The following L3HYPDH variants were observed in gnomAD, a reference collection of about 807,000 sequenced individuals.
L3HYPDH encodes the protein trans-3-hydroxy-L-proline dehydratase.
A neutral mutation model predicts 26.5 loss-of-function variants in L3HYPDH; 32 were observed. The observed-to-expected ratio is 1.21, with a 90% confidence interval of 0.91 to 1.62. L3HYPDH has a LOEUF of 1.62. Among genes scored for constraint, L3HYPDH ranks in the 40% most tolerant of loss-of-function variants. The pLI, the probability that L3HYPDH is intolerant of heterozygous loss-of-function variation, is 0.00. For missense variants in L3HYPDH, 554 were observed against 476.4 expected, an observed-to-expected ratio of 1.16 and a Z score of -1.52; for synonymous variants, 215 against 196.6, an observed-to-expected ratio of 1.09 and a Z score of -0.78.
At chr14:59,499,109 C>G in the L3HYPDH span, among the ~76,000 whole-genome samples, 5,666 of 144,648 alleles carry the variant, frequency 0.039, 151 homozygotes, top group Non-Finnish European at 0.058. Context: ...CTGCAACCTC[C>G]GCCTCCTGGG....
chr14:59,484,912 G>T, upstream of L3HYPDH: 1 of 1,432,246 alleles, frequency 7.0e-7, no homozygotes, highest in Non-Finnish European at 9.2e-7. Context: ...TTGAAAACGC[G>T]GGTGATAGTG....
the L3HYPDH span, among the ~76,000 whole-genome samples, chr14:59,503,606 A>C: frequency 6.6e-6 from 1 of 152,178 alleles, no homozygotes; most frequent in Non-Finnish European, 1.5e-5. Flanking sequence ...AGGACTTAAG[A>C]GACATGATGA....
At chr14:59,504,992 C>T in the L3HYPDH span, 4 of 306,706 alleles carry the variant, frequency 1.3e-5, no homozygotes, top group Non-Finnish European at 2.4e-5. Flanking sequence ...CTTTGAAGGC[C>T]TTAAGACTCA....
chr14:59,479,029 G>T, intron 2 of L3HYPDH, 153 bp downstream of exon 2: 1 of 585,352 alleles, frequency 1.7e-6, no homozygotes, highest in Non-Finnish European at 2.7e-6. Flanking sequence ...GGTGGGACAA[G>T]CTTGCTCTAG....
the L3HYPDH span, among the ~76,000 whole-genome samples, chr14:59,497,023 A>G: frequency 3.3e-5 from 5 of 150,984 alleles, no homozygotes; most frequent in African/African-American, 7.3e-5. Context: ...TTGCAAGTCA[A>G]CAAAAAGCAA....
chr14:59,490,840 A>T, the L3HYPDH span, among the ~76,000 whole-genome samples: 1 of 152,258 alleles, frequency 6.6e-6, no homozygotes, highest in African/African-American at 2.4e-5. Context: ...TTCTCAGCCC[A>T]CAGTAAAGAA....
chr14:59,495,326 G>A, the L3HYPDH span: 2 of 819,176 alleles, frequency 2.4e-6, no homozygotes, highest in Admixed American at 2.5e-5. Context: ...GTGGGTTTGA[G>A]TTCTGGGTCT....
At chr14:59,479,511 C>T (rs1181990243) in intron 1 of L3HYPDH, among the ~76,000 whole-genome samples, 160 bp from the exon 2 acceptor site, 2 of 150,416 alleles carry the variant, frequency 1.3e-5, no homozygotes, top group Non-Finnish European at 3.0e-5. Flanking sequence ...GAATAAGCAT[C>T]GAGTGAATAA....
chr14:59,490,767 G>T, the L3HYPDH span, among the ~76,000 whole-genome samples: 5,995 of 152,256 alleles, frequency 0.039, 156 homozygotes, highest in Non-Finnish European at 0.058. Flanking sequence ...GATGAGAGAT[G>T]GGGTGAGAAA....
the L3HYPDH span, among the ~76,000 whole-genome samples, chr14:59,490,863 A>G: frequency 6.6e-6 from 1 of 152,236 alleles, no homozygotes; most frequent in Non-Finnish European, 1.5e-5. Flanking sequence ...GCTAACAGGC[A>G]TAGGTATGTC....
chr14:59,484,197 C>G lies in L3HYPDH; in HGVS notation c.120G>C (p.Pro40=), dbSNP rs1240399584. Residue 40 remains proline, a synonymous_variant, in exon 1 of 5, where the codon CCG becomes CCC. Transcript: ENST00000247194. ...EPLRIVLAGC[P]EVSGPTLLAK... ...CCAGCAGGGTGGGCCCAGACACCTC[C>G]GGACACCCCGCCAGCACGATACGCA... 1 of 1,598,842 alleles carries G rather than the reference C, an allele frequency of 6.3e-7. No individual in the cohort carries two copies. The highest frequency in any genetic ancestry group is 1.7e-5 in the Admixed American group (1 of 59,976).
chr14:59,496,960 C>T, the L3HYPDH span, among the ~76,000 whole-genome samples: 1 of 151,008 alleles, frequency 6.6e-6, no homozygotes, highest in Non-Finnish European at 1.5e-5. Flanking sequence ...GGGCTAAGCA[C>T]TTCCGAAGGT....
At chr14:59,472,109 C>T (rs1484560811), downstream of L3HYPDH, among the ~76,000 whole-genome samples, 4 of 152,106 alleles carry the variant, frequency 2.6e-5, no homozygotes, top group African/African-American at 7.2e-5. Flanking sequence ...TCTCAGGGAG[C>T]GTCACATCTT....
chr14:59,476,491 C>T (rs2139809591), intron 2 of L3HYPDH, among the ~76,000 whole-genome samples: 1 of 152,324 alleles, frequency 6.6e-6, no homozygotes, highest in East Asian at 1.9e-4. Flanking sequence ...ATTTTATACA[C>T]CCCTCCCACC....
upstream of L3HYPDH, chr14:59,485,319 A>T: frequency 1.0e-5 from 5 of 476,808 alleles, no homozygotes; most frequent in Non-Finnish European, 1.8e-5. Flanking sequence ...AATTTAGAAC[A>T]TTGTGATTAC....
At chr14:59,497,294 A>C in the L3HYPDH span, among the ~76,000 whole-genome samples, 13 of 152,352 alleles carry the variant, frequency 8.5e-5, no homozygotes, top group African/African-American at 3.1e-4. Context: ...TATTACTCTT[A>C]TAGCAGGAAT....
Position 59,484,185 on chromosome 14 carries a change from C to T in L3HYPDH, c.132G>A (p.Gly44=), listed in dbSNP as rs1890305189. 2 of 1,599,284 alleles carry T rather than the reference C, an allele frequency of 1.3e-6. No individual in the cohort carries two copies. The highest frequency in any genetic ancestry group is 1.7e-5 in the Admixed American group (1 of 59,944). The part of the protein sequence containing the change: ...IVLAGCPEVS[G]PTLLAKRRYM... ...AGCGCCGCTTGGCCAGCAGGGTGGGCCCAGACACCTCCGGACACCCCGCCA... is the reference window on the plus strand; with the variant it reads ...AGCGCCGCTTGGCCAGCAGGGTGGGTCCAGACACCTCCGGACACCCCGCCA... Residue 44 remains glycine, a synonymous_variant, in exon 1 of 5, where the codon GGG becomes GGA. Transcript: ENST00000247194.
At chr14:59,505,264 G>C in the L3HYPDH span, 1 of 1,503,796 alleles carries the variant, frequency 6.6e-7, no homozygotes, top group Non-Finnish European at 8.9e-7. Flanking sequence ...ATTTTTCTCA[G>C]TACATTTAAC....
At chr14:59,475,432 C>A (rs191108404) in intron 4 of L3HYPDH, among the ~76,000 whole-genome samples, 1 of 151,878 alleles carries the variant, frequency 6.6e-6, no homozygotes, top group Admixed American at 6.6e-5. Context: ...AACTGTTTGC[C>A]AAAACAAAAA....
Sources: gnomAD v4.1 joint callset for allele counts (sites outside exome capture counted in the v4.1 genomes callset) on GRCh38, gnomAD v4.1.1 for gene constraint, MANE v1.5 for transcripts, NCBI Gene and HGNC (gene_info 2026-07-23, HGNC 2026-07-21) for gene names.